Variants in LRMDA observed in about 807,000 individuals in gnomAD.
LRMDA encodes leucine rich melanocyte differentiation associated.
A neutral mutation model predicts 29.8 loss-of-function variants in LRMDA; 18 were observed. The ratio of observed to expected loss-of-function variants is 0.60; its 90% CI spans 0.42 to 0.90. LRMDA has a LOEUF of 0.90. Among genes scored for constraint, LRMDA ranks in the 40% least tolerant of loss-of-function variants. LRMDA has a pLI of 0.00. For synonymous variants in LRMDA, 125 were observed against 109.4 expected (o/e 1.14, Z -0.89); for missense variants, 273 against 273.9 (o/e 1.00, Z 0.02).
chr10:75,556,634 G>A (rs148628515), intron 2 of LRMDA, among the ~76,000 whole-genome samples: 117 of 152,046 alleles, frequency 7.7e-4, no homozygotes, highest in Middle Eastern at 6.8e-3. Flanking sequence ...AATCTACATG[G>A]CTATTTAGCC....
At chr10:76,069,350 A>C (rs1244167770) in intron 5 of LRMDA, among the ~76,000 whole-genome samples, 1 of 152,222 alleles carries the variant, frequency 6.6e-6, no homozygotes, top group African/African-American at 2.4e-5. Context: ...AGATGAACAG[A>C]CAGGGCTCCA....
intron 5 of LRMDA, among the ~76,000 whole-genome samples, chr10:76,323,694 C>G (rs529149205): frequency 5.3e-5 from 8 of 152,226 alleles, no homozygotes; most frequent in Non-Finnish European, 1.2e-4. Flanking sequence ...GCCTTAGCAG[C>G]CTGGGCCATC....
chr10:75,930,815 C>T (rs1490223028), intron 2 of LRMDA, among the ~76,000 whole-genome samples: 1 of 152,182 alleles, frequency 6.6e-6, no homozygotes, highest in Non-Finnish European at 1.5e-5. Context: ...ACATTAAAAA[C>T]ATAGAATCCC....
At chr10:76,305,527 G>T (rs1255572862) in intron 5 of LRMDA, among the ~76,000 whole-genome samples, 1 of 152,194 alleles carries the variant, frequency 6.6e-6, no homozygotes, top group Non-Finnish European at 1.5e-5. Flanking sequence ...GTCAGTGACT[G>T]AGTCCCTCTA....
intron 2 of LRMDA, among the ~76,000 whole-genome samples, chr10:75,849,286 G>A (rs16932661): frequency 0.017 from 2,550 of 151,828 alleles, 86 homozygotes; most frequent in East Asian, 0.14. Context: ...CTATTTTCTC[G>A]GTTTGACCCT....
intron 2 of LRMDA, among the ~76,000 whole-genome samples, chr10:75,506,907 G>A (rs887481530): frequency 1.3e-5 from 2 of 152,216 alleles, no homozygotes; most frequent in Non-Finnish European, 2.9e-5. Context: ...GGCAGAGGAA[G>A]TTCCTGGTGT....
intron 5 of LRMDA, among the ~76,000 whole-genome samples, chr10:76,301,762 A>G (rs2132362321): frequency 6.6e-6 from 1 of 152,350 alleles, no homozygotes; most frequent in East Asian, 1.9e-4. Flanking sequence ...ATTAGAAAAT[A>G]GGAGCTATAT....
intron 2 of LRMDA, among the ~76,000 whole-genome samples, chr10:75,439,187 G>A (rs1423962742): frequency 6.6e-6 from 1 of 152,176 alleles, no homozygotes; most frequent in Admixed American, 6.5e-5. Context: ...TTGGGGGCTT[G>A]GAGGAAAGAA....
At chr10:75,817,266 G>T (rs10824341) in intron 2 of LRMDA, among the ~76,000 whole-genome samples, 56,164 of 152,162 alleles carry the variant, frequency 0.37, 12,210 homozygotes, top group South Asian at 0.5. Flanking sequence ...CTAACAGTTA[G>T]AAGGAGCCAC....
intron 2 of LRMDA, among the ~76,000 whole-genome samples, chr10:76,027,314 T>C (rs1848078668): frequency 2.0e-5 from 3 of 152,212 alleles, no homozygotes; most frequent in African/African-American, 7.2e-5. Context: ...GACACTGCTC[T>C]TTTTCTAAAG....
chr10:76,552,942 GC>G (rs1179404878), intron 6 of LRMDA, among the ~76,000 whole-genome samples: 3 of 152,270 alleles, frequency 2.0e-5, no homozygotes, highest in East Asian at 3.9e-4. Flanking sequence ...CACTTAGGCA[GC>G]CCCAAGGTTA....
chr10:76,502,910 T>C (rs1240707328), intron 6 of LRMDA, among the ~76,000 whole-genome samples: 1 of 151,918 alleles, frequency 6.6e-6, no homozygotes, highest in African/African-American at 2.4e-5. Context: ...TTGCTCTGGC[T>C]AGGGCTTCCA....
intron 6 of LRMDA, among the ~76,000 whole-genome samples, chr10:76,432,689 A>T (rs1305507171): frequency 6.6e-6 from 1 of 152,230 alleles, no homozygotes; most frequent in African/African-American, 2.4e-5. Context: ...GATCTAGTCC[A>T]TCTTGTTCAT....
At chr10:76,184,848 C>T (rs188644043) in intron 5 of LRMDA, among the ~76,000 whole-genome samples, 20 of 152,318 alleles carry the variant, frequency 1.3e-4, no homozygotes, top group Middle Eastern at 6.8e-3. Flanking sequence ...CAAAATGGAA[C>T]GATGTGCACT....
At chr10:75,644,765 G>GTGGCTA (rs1332536556) in intron 2 of LRMDA, among the ~76,000 whole-genome samples, 2 of 152,094 alleles carry the variant, frequency 1.3e-5, no homozygotes, top group African/African-American at 4.8e-5. Flanking sequence ...TATTAAATAC[G>GTGGCTA]TGGCTAGAGG....
intron 2 of LRMDA, among the ~76,000 whole-genome samples, chr10:75,448,468 G>C (rs957711059): frequency 1.1e-4 from 16 of 152,150 alleles, no homozygotes; most frequent in Non-Finnish European, 1.9e-4. Flanking sequence ...TGGTGATTTG[G>C]GGGTGTTAGG....
intron 5 of LRMDA, among the ~76,000 whole-genome samples, chr10:76,071,376 T>G (rs1848873847): frequency 6.6e-6 from 1 of 152,220 alleles, no homozygotes; most frequent in African/African-American, 2.4e-5. Context: ...AGTTTAATGC[T>G]AGAAAAAGAG....
intron 2 of LRMDA, among the ~76,000 whole-genome samples, chr10:75,674,196 G>T (rs1350487335): frequency 6.6e-6 from 1 of 152,176 alleles, no homozygotes; most frequent in Non-Finnish European, 1.5e-5. Context: ...ATTATACCAA[G>T]ACATTTATTT....
At chr10:75,580,868 G>A (rs1488853710) in intron 2 of LRMDA, among the ~76,000 whole-genome samples, 1 of 152,208 alleles carries the variant, frequency 6.6e-6, no homozygotes, top group Admixed American at 6.5e-5. Context: ...CTAGCCATAT[G>A]CAGAAAGCTG....
Sources: gnomAD v4.1 joint callset for allele counts (sites outside exome capture counted in the v4.1 genomes callset) on GRCh38, gnomAD v4.1.1 for gene constraint, MANE v1.5 for transcripts, NCBI Gene and HGNC (gene_info 2026-07-23, HGNC 2026-07-21) for gene names.